The following TUSC3 variants were observed in gnomAD, a reference collection of about 807,000 sequenced individuals.
TUSC3 encodes the protein tumor suppressor candidate 3.
Under a neutral mutation model 44.8 loss-of-function variants are expected in TUSC3, and 45 were observed. The observed-to-expected ratio is 1.00, with a 90% CI of 0.79 to 1.29. TUSC3 has a LOEUF of 1.29. Ranked by LOEUF, TUSC3 falls within the 50% of genes most tolerant of loss-of-function variation. TUSC3 has a pLI of 0.00. For synonymous variants in TUSC3, 212 were observed against 152.9 expected, an observed-to-expected ratio of 1.39 and a Z score of -2.85; for missense variants, 519 against 437.9, an observed-to-expected ratio of 1.19 and a Z score of -1.65.
chr8:15,540,960 C>T (rs1015723962), intron 1 of TUSC3, among the ~76,000 whole-genome samples: 5 of 152,178 alleles, frequency 3.3e-5, no homozygotes, highest in Non-Finnish European at 5.9e-5. Context: ...ACTCTGCTCC[C>T]TTCATTACCC....
At chr8:15,784,060 A>G in the TUSC3 span, among the ~76,000 whole-genome samples, 3 of 152,210 alleles carry the variant, frequency 2.0e-5, no homozygotes, top group African/African-American at 7.2e-5. Flanking sequence ...GACATTTCAC[A>G]AAAGAATACA....
At chr8:15,460,808 T>G (rs1800335382) in intron 1 of TUSC3, among the ~76,000 whole-genome samples, 1 of 152,168 alleles carries the variant, frequency 6.6e-6, no homozygotes, top group Non-Finnish European at 1.5e-5. Flanking sequence ...ACTTTGTTTT[T>G]GTTTGCTTTG....
intron 6 of TUSC3, among the ~76,000 whole-genome samples, chr8:15,727,588 A>C (rs1433295162): frequency 5.9e-5 from 9 of 152,328 alleles, no homozygotes; most frequent in South Asian, 2.1e-4. Flanking sequence ...GACACACACA[A>C]AAAAAGAAGT....
intron 6 of TUSC3, among the ~76,000 whole-genome samples, chr8:15,707,522 A>G (rs559722843): frequency 3.9e-5 from 6 of 152,074 alleles, no homozygotes; most frequent in African/African-American, 1.4e-4. Context: ...TTCTCTCTTG[A>G]TGTTTTCCCA....
At chr8:15,561,413 C>CA (rs1802455402) in intron 1 of TUSC3, among the ~76,000 whole-genome samples, 1 of 139,490 alleles carries the variant, frequency 7.2e-6, no homozygotes, top group Non-Finnish European at 1.6e-5. Flanking sequence ...TAAAAGCTGT[C>CA]AGACAGGGAC....
intron 1 of TUSC3, among the ~76,000 whole-genome samples, chr8:15,605,068 A>G (rs1804463161): frequency 6.6e-6 from 1 of 151,836 alleles, no homozygotes; most frequent in Non-Finnish European, 1.5e-5. Context: ...AGTAAAGATG[A>G]ATGTAGTAGT....
the TUSC3 span, among the ~76,000 whole-genome samples, chr8:15,778,360 G>A: frequency 6.6e-6 from 1 of 152,122 alleles, no homozygotes; most frequent in South Asian, 2.1e-4. Context: ...AACAGACAAG[G>A]AGACAAAACA....
At chr8:15,706,818 G>T (rs1210441190) in intron 6 of TUSC3, among the ~76,000 whole-genome samples, 5 of 151,870 alleles carry the variant, frequency 3.3e-5, no homozygotes, top group African/African-American at 1.2e-4. Flanking sequence ...TAAAGTACTT[G>T]TAGAGAAGCA....
At chr8:15,458,700 C>G (rs1047616213) in intron 1 of TUSC3, among the ~76,000 whole-genome samples, 19 of 152,298 alleles carry the variant, frequency 1.2e-4, no homozygotes, top group African/African-American at 4.3e-4. Flanking sequence ...CTCCTCCCGA[C>G]TTTTCAAGAT....
chr8:15,453,401 A>G (rs374804637), intron 1 of TUSC3, among the ~76,000 whole-genome samples: 18 of 152,290 alleles, frequency 1.2e-4, no homozygotes, highest in African/African-American at 2.6e-4. Context: ...TGGCACCACT[A>G]AAAAAGCAAG....
intron 2 of TUSC3, among the ~76,000 whole-genome samples, chr8:15,486,948 T>A (rs1288646802): frequency 2.6e-5 from 4 of 152,224 alleles, no homozygotes; most frequent in Non-Finnish European, 4.4e-5. Flanking sequence ...CTTTTTAATA[T>A]AACCGTTAGT....
At chr8:15,542,888 A>G (rs1172217397) in intron 1 of TUSC3, among the ~76,000 whole-genome samples, 3 of 152,210 alleles carry the variant, frequency 2.0e-5, no homozygotes, top group Admixed American at 6.5e-5. Flanking sequence ...GAGCTTAAAT[A>G]GTTGATGTTT....
At chr8:15,676,306 G>C (rs1808186541) in intron 6 of TUSC3, among the ~76,000 whole-genome samples, 1 of 152,046 alleles carries the variant, frequency 6.6e-6, no homozygotes, top group Admixed American at 6.6e-5. Context: ...GTCTTTGCCT[G>C]CTTTTTAATG....
At chr8:15,659,441 A>G (rs1807321676) in intron 3 of TUSC3, 66 bp from the exon 4 acceptor site, 2 of 1,568,374 alleles carry the variant, frequency 1.3e-6, no homozygotes, top group East Asian at 2.3e-5. Context: ...CTACAGAAAA[A>G]GTGTAAAATA....
intron 1 of TUSC3, among the ~76,000 whole-genome samples, chr8:15,436,487 C>T (rs1299603541): frequency 6.6e-6 from 1 of 152,154 alleles, no homozygotes; most frequent in Non-Finnish European, 1.5e-5. Context: ...TCAGCATAAC[C>T]TTGTGAGCTA....
intron 10 of TUSC3, among the ~76,000 whole-genome samples, chr8:15,762,931 G>A (rs1352129179): frequency 1.3e-5 from 2 of 151,928 alleles, no homozygotes; most frequent in South Asian, 2.1e-4. Context: ...CACCCTTATC[G>A]TACGCTTTAT....
chr8:15,432,732 C>T (rs963895060), intron 1 of TUSC3, among the ~76,000 whole-genome samples: 3 of 152,002 alleles, frequency 2.0e-5, no homozygotes, highest in East Asian at 1.9e-4. Context: ...ATGTGCATCT[C>T]GGATCCCCTC....
intron 7 of TUSC3, among the ~76,000 whole-genome samples, chr8:15,742,497 AAAC>A (rs1811237401): frequency 6.6e-6 from 1 of 152,176 alleles, no homozygotes; most frequent in Non-Finnish European, 1.5e-5. Flanking sequence ...ATGGTTATAA[AAAC>A]AAGACTCAGA....
intron 1 of TUSC3, among the ~76,000 whole-genome samples, chr8:15,617,633 C>A (rs1193093323): frequency 6.6e-6 from 1 of 152,166 alleles, no homozygotes; most frequent in Non-Finnish European, 1.5e-5. Flanking sequence ...ATACATACCT[C>A]TGTGAGAAAC....
Sources: gnomAD v4.1 joint callset for allele counts (sites outside exome capture counted in the v4.1 genomes callset) on GRCh38, gnomAD v4.1.1 for gene constraint, MANE v1.5 for transcripts, NCBI Gene and HGNC (gene_info 2026-07-23, HGNC 2026-07-21) for gene names.